TMIGD3: variants seen among roughly 807,000 people sequenced by gnomAD.
TMIGD3 encodes transmembrane and immunoglobulin domain containing 3.
TMIGD3 carries 21 observed loss-of-function variants against 28.1 expected under a neutral mutation model. That is an observed-to-expected ratio of 0.75 (90% CI 0.53 to 1.08). The LOEUF (loss-of-function observed/expected upper bound fraction) is 1.08, where lower values mean the gene tolerates loss of function less well. Among genes scored for constraint, TMIGD3 ranks in the 50% least tolerant of loss-of-function variants. The pLI, the probability that TMIGD3 is intolerant of heterozygous loss-of-function variation, is 0.00. For synonymous variants in TMIGD3, 151 were observed against 162.1 expected (o/e 0.93, Z 0.52); for missense variants, 416 against 435.6 (o/e 0.96, Z 0.40).
intron 1 of TMIGD3, among the ~76,000 whole-genome samples, chr1:111,527,965 T>C (rs1250747736): frequency 6.6e-6 from 1 of 152,228 alleles, no homozygotes; most frequent in Non-Finnish European, 1.5e-5. Flanking sequence ...CACCTCATTC[T>C]CTCTTAACAT....
chr1:111,559,437 G>T (rs1657643284), intron 1 of TMIGD3, among the ~76,000 whole-genome samples: 1 of 152,130 alleles, frequency 6.6e-6, no homozygotes, highest in South Asian at 2.1e-4. Flanking sequence ...AACCAAATAT[G>T]GAAGTCAGCA....
intron 1 of TMIGD3, among the ~76,000 whole-genome samples, chr1:111,563,388 G>A (rs574831466): frequency 3.3e-5 from 5 of 152,304 alleles, no homozygotes; most frequent in South Asian, 4.1e-4. Context: ...GAAATAATTG[G>A]AAAACAGTAT....
chr1:111,534,907 G>T (rs2101017909), intron 1 of TMIGD3, among the ~76,000 whole-genome samples: 1 of 152,294 alleles, frequency 6.6e-6, no homozygotes, highest in African/African-American at 2.4e-5. Flanking sequence ...TCAATGAACA[G>T]TTAAGAGCTG....
intron 1 of TMIGD3, among the ~76,000 whole-genome samples, chr1:111,510,390 T>C (rs141840489): frequency 6.6e-6 from 1 of 152,276 alleles, no homozygotes; most frequent in Admixed American, 6.5e-5. Context: ...TGATCGAAAA[T>C]ACTATCTGTT....
chr1:111,526,924 A>G (rs772864912), intron 1 of TMIGD3, among the ~76,000 whole-genome samples: 2 of 150,350 alleles, frequency 1.3e-5, no homozygotes, highest in Non-Finnish European at 3.0e-5. Flanking sequence ...TCAGAATGTC[A>G]TATATTTGGA....
intron 1 of TMIGD3, among the ~76,000 whole-genome samples, chr1:111,558,239 G>A (rs556545423): frequency 7.6e-4 from 116 of 152,208 alleles, no homozygotes; most frequent in African/African-American, 2.6e-3. Context: ...GTGCAGTGGC[G>A]CAATCTTGGC....
intron 1 of TMIGD3, among the ~76,000 whole-genome samples, chr1:111,511,481 A>G (rs1655689834): frequency 6.6e-6 from 1 of 152,218 alleles, no homozygotes; most frequent in African/African-American, 2.4e-5. Context: ...AACAAAAAGT[A>G]GGTTTTTGCA....
intron 1 of TMIGD3, among the ~76,000 whole-genome samples, chr1:111,509,891 G>C (rs1655633872): frequency 6.6e-6 from 1 of 152,258 alleles, no homozygotes; most frequent in African/African-American, 2.4e-5. Context: ...GGCTAGGAGA[G>C]AATTGACTCA....
At chr1:111,539,166 C>A (rs185855771) in intron 1 of TMIGD3, among the ~76,000 whole-genome samples, 5 of 152,242 alleles carry the variant, frequency 3.3e-5, no homozygotes, top group Admixed American at 1.3e-4. Context: ...TTGTGTGATG[C>A]TGAGGTTTGG....
intron 1 of TMIGD3, among the ~76,000 whole-genome samples, chr1:111,558,866 A>G (rs1657619190): frequency 6.6e-6 from 1 of 152,190 alleles, no homozygotes; most frequent in Admixed American, 6.5e-5. Flanking sequence ...TCTACAGGGG[A>G]TTATTTAAAC....
chr1:111,501,173 C>A (rs1053634818), intron 1 of TMIGD3: 1 of 152,532 alleles, frequency 6.6e-6, no homozygotes, highest in African/African-American at 2.4e-5. Context: ...TATACTATGC[C>A]TCCCCGACAC....
chr1:111,529,115 T>G (rs1656365607), intron 1 of TMIGD3, among the ~76,000 whole-genome samples: 1 of 151,656 alleles, frequency 6.6e-6, no homozygotes, highest in Admixed American at 6.5e-5. Context: ...TTTTTTTTAT[T>G]TTTTGTAATT....
intron 1 of TMIGD3, among the ~76,000 whole-genome samples, chr1:111,561,449 T>C (rs1431985929): frequency 6.6e-6 from 1 of 152,178 alleles, no homozygotes; most frequent in Non-Finnish European, 1.5e-5. Flanking sequence ...ATGGAGGATC[T>C]GGTGGCCAGC....
At chr1:111,499,187 T>G (rs1655034201) in intron 1 of TMIGD3, among the ~76,000 whole-genome samples, 1 of 152,002 alleles carries the variant, frequency 6.6e-6, no homozygotes, top group Admixed American at 6.5e-5. Context: ...CCCCCACTAC[T>G]CCTATGAGAA....
intron 1 of TMIGD3, among the ~76,000 whole-genome samples, chr1:111,552,672 TTTA>T (rs1657316678): frequency 6.6e-6 from 1 of 152,220 alleles, no homozygotes; most frequent in Admixed American, 6.5e-5. Flanking sequence ...TGAGAGGCAA[TTTA>T]TTATACTATT....
intron 1 of TMIGD3, among the ~76,000 whole-genome samples, chr1:111,547,662 T>C (rs544102166): frequency 8.5e-5 from 13 of 152,284 alleles, no homozygotes; most frequent in African/African-American, 2.9e-4. Flanking sequence ...CTTTTACAGA[T>C]TTTTTAAAGA....
At chr1:111,500,476 G>T (rs1571412799) in intron 1 of TMIGD3, 1 of 1,614,184 alleles carries the variant, frequency 6.2e-7, no homozygotes, top group Non-Finnish European at 8.5e-7. Context: ...AAACATGGGG[G>T]TCAATCCCAC....
Position 111,556,149 on chromosome 1 carries a change from C to A in TMIGD3, c.107+7697G>T, listed in dbSNP as rs573228457. Among the ~76,000 whole-genome samples the A allele has an allele frequency of 3.0e-4, 45 of 152,190 alleles. 1 individual carries two copies. The highest frequency in any genetic ancestry group is 1.0e-3 in the African/African-American group (43 of 41,526). On this transcript the variant is annotated intron_variant, in intron 1 of 5. Coordinates refer to the TMIGD3 transcript ENST00000369717. ...TTCTCCAAAGAGATATACAAATGGT[C>A]AGTAAGTAAATAAAAAGATATTCAA...
intron 3 of TMIGD3, among the ~76,000 whole-genome samples, chr1:111,487,433 C>G (rs546804618): frequency 2.2e-4 from 33 of 152,010 alleles, no homozygotes; most frequent in African/African-American, 7.5e-4. Flanking sequence ...TTCCTACCAG[C>G]ATTGTGCTCT....
Sources: gnomAD v4.1 joint callset for allele counts (sites outside exome capture counted in the v4.1 genomes callset) on GRCh38, gnomAD v4.1.1 for gene constraint, MANE v1.5 for transcripts, NCBI Gene and HGNC (gene_info 2026-07-23, HGNC 2026-07-21) for gene names.